Variants in TMUB2 observed in about 807,000 individuals in gnomAD.
TMUB2 encodes the protein transmembrane and ubiquitin like domain containing 2, also known as transmembrane and ubiquitin-like domain-containing protein 2.
In TMUB2, 19 loss-of-function variants were observed where a neutral mutation model predicts 20.2. The ratio of observed to expected loss-of-function variants is 0.94; its 90% CI spans 0.66 to 1.38. TMUB2 has a LOEUF of 1.38. TMUB2 is among the 40% of genes most tolerant of loss of function. The probability of loss-of-function intolerance (pLI) is 0.00; values close to 1 mark genes in which losing one functional copy is unlikely to be tolerated. For missense variants in TMUB2, 426 were observed against 402.5 expected (o/e 1.06, Z -0.50); for synonymous variants, 186 against 166.0 (o/e 1.12, Z -0.92).
chr17:44,187,976 T>G (rs2054721237), intron 2 of TMUB2: 1 of 551,474 alleles, frequency 1.8e-6, no homozygotes, highest in Admixed American at 3.2e-5. Flanking sequence ...CATACGATCC[T>G]TGTCTACCAG....
rs1057217209 is a variant in TMUB2, at chr17:44,191,541, G to A, written c.*677G>A. 17 of 986,032 alleles carry A rather than the reference G, an allele frequency of 1.7e-5. No individual in the cohort carries two copies. Among genetic ancestry groups the A allele is most frequent in the East Asian group, 2.3e-4 (2 of 8,816 alleles). 61.1% of individuals were successfully genotyped at this position (986,032 alleles called of 1,614,324 possible). On this transcript the variant is annotated 3_prime_UTR_variant, in exon 4 of 4. Transcript: ENST00000538716. The stretch of plus-strand genomic sequence containing the variant: ...AAGCCAAGCCCCCAGCATTGGGAGC[G>A]GCCAGGCCACAGCTGCTGCTCCCGT...
chr17:44,191,270 C>T lies in TMUB2; in HGVS notation c.*406C>T, dbSNP rs888325134. ...GCTCAGCATGGCCCCAGCACAACTC[C>T]GTAGGGAGCCTGGAGTATCCTTCCA... On this transcript the variant is annotated 3_prime_UTR_variant, in exon 4 of 4. Coordinates refer to ENST00000538716, the MANE Select transcript of TMUB2 (RefSeq NM_001076674.3). The T allele has an allele frequency of 6.0e-6, 6 of 1,005,576 alleles. No homozygotes were observed. The highest frequency in any genetic ancestry group is 1.0e-4 in the East Asian group (1 of 9,606). The allele number at this position is 1,005,576 out of a possible 1,614,324, so 62.3% of individuals were successfully genotyped here.
At position 44,189,395 on chromosome 17, in the gene TMUB2, C is replaced by T. The variant is rs1425149561; in HGVS notation, c.409C>T (p.Leu137Phe). 3.1e-6 allele frequency: 5 copies of T among 1,613,586 alleles called. No individual in the cohort carries two copies. The highest frequency in any genetic ancestry group is 3.4e-6 in the Non-Finnish European group (4 of 1,179,806). Reference protein sequence around the residue: ...GGGVEPSLEHLLDIQGLPKRQ... With the variant: ...GGGVEPSLEHFLDIQGLPKRQ... ...TGGTGTTGAGCCCAGCCTTGAGCAT[C>T]TCCTTGACATCCAAGGCCTGCCCAA... is the stretch of plus-strand genomic sequence containing the variant. The change falls in exon 3 of 4, where the codon CTC becomes TTC. Residue 137 changes from leucine (L) to phenylalanine (F), a missense_variant. Transcript: ENST00000538716.
At position 44,191,746 on chromosome 17, in the gene TMUB2, CAG is replaced by C. The variant is rs1336204968; in HGVS notation, c.*886_*887del. ...GTGGTCCTGCAGCCTCTTTCTGTGA[CAG>C]AGAATGGCTTTGCGCTGCCCCCAGG... is the stretch of plus-strand genomic sequence containing the variant. On this transcript the variant is annotated 3_prime_UTR_variant, in exon 4 of 4. Coordinates refer to ENST00000538716, the MANE Select transcript of TMUB2 (RefSeq NM_001076674.3). The C allele has an allele frequency of 2.0e-5, 20 of 985,520 alleles. No homozygotes were observed. The highest frequency in any genetic ancestry group is 1.0e-3 in the Middle Eastern group (2 of 1,936). The allele number at this position is 985,520 out of a possible 1,614,324, so 61.0% of individuals were successfully genotyped here.
intron 2 of TMUB2, chr17:44,187,949 C>T (rs1360557708): frequency 1.7e-6 from 1 of 588,972 alleles, no homozygotes; most frequent in Non-Finnish European, 3.1e-6. Flanking sequence ...TTGGACACTT[C>T]AGTACCAAGA....
chr17:44,189,783 C>A (rs143341364), intron 3 of TMUB2, 195 bp downstream of exon 3: 3 of 511,054 alleles, frequency 5.9e-6, no homozygotes, highest in East Asian at 3.2e-5. Context: ...GAGGCCGAGG[C>A]GGGTGCATCA....
chr17:44,190,117 C>T (rs1403232933), intron 3 of TMUB2: 4 of 179,298 alleles, frequency 2.2e-5, no homozygotes, highest in Non-Finnish European at 3.5e-5. Context: ...GAGGCCAAGG[C>T]GGGCAGATCA....
In TMUB2 at chr17:44,189,511, T is replaced by A; in HGVS notation, c.525T>A (p.Thr175=). ...TCCCTCCCAGCCCTGGCCTCATCAC[T>A]GTGCGGCTCAAATTCCTCAATGATA... ...TCLPPSPGLI[T]VRLKFLNDTE... Residue 175 remains threonine (T), a synonymous_variant, in exon 3 of 4, where the codon ACT becomes ACA. Transcript: ENST00000538716. The A allele has an allele frequency of 6.2e-7, 1 of 1,613,824 alleles. No homozygotes were observed. Among genetic ancestry groups the A allele is most frequent in the South Asian group, 1.1e-5 (1 of 91,068 alleles).
Position 44,189,043 on chromosome 17 carries a change from G to T in TMUB2, c.57G>T (p.Gln19His). Residue 19 changes from glutamine to histidine, a missense_variant, in exon 3 of 4, where the codon CAG (glutamine) becomes CAT (histidine). Physicochemically the swap from Gln to His is conservative, Grantham distance 24 (BLOSUM62 0). Coordinates refer to ENST00000538716, the MANE Select transcript of TMUB2 (RefSeq NM_001076674.3). ...GCAGCGTGGACCCTGCCAGCAGCCAGGCCATGGAGCTCTCTGATGTCACCC... is the reference window on the plus strand; with the variant it reads ...GCAGCGTGGACCCTGCCAGCAGCCATGCCATGGAGCTCTCTGATGTCACCC... ...NLMSVDPASS[Q>H]AMELSDVTLI... is the part of the protein sequence containing the mutation. 1 of 1,613,758 alleles carries T rather than the reference G, an allele frequency of 6.2e-7. No individual in the cohort carries two copies. The highest frequency in any genetic ancestry group is 8.5e-7 in the Non-Finnish European group (1 of 1,179,890).
In TMUB2 at chr17:44,190,692, G is replaced by C. The variant is rs558128418; in HGVS notation, c.794G>C (p.Ser265Thr). The change falls in exon 4 of 4, where the codon AGC (serine) becomes ACC (threonine). Residue 265 changes from serine to threonine, a missense_variant. By Grantham distance (58) the Ser-to-Thr change is moderately conservative. Coordinates refer to ENST00000538716, the MANE Select transcript of TMUB2 (RefSeq NM_001076674.3). ...SLAPSATEPP[S>T]LGVNVGSLMV... ...GCCCCCTCGGCCACTGAGCCACCCA[G>C]CCTTGGTGTCAATGTGGGCAGCCTC... 205 of 1,614,232 alleles carry C rather than the reference G, an allele frequency of 1.3e-4. 4 individuals are homozygous for C. The South Asian group carries it at 2.2e-3, about 17-fold the overall frequency.
chr17:44,188,396 C>T (rs768891510), intron 2 of TMUB2, among the ~76,000 whole-genome samples: 10 of 152,164 alleles, frequency 6.6e-5, no homozygotes, highest in Admixed American at 3.9e-4. Flanking sequence ...TGCATAGTAT[C>T]TGCCCGCGGT....
chr17:44,189,299 G>A lies in TMUB2; in HGVS notation c.313G>A (p.Gly105Ser), dbSNP rs369953058. 7.5e-6 allele frequency: 12 copies of A among 1,600,890 alleles called. No individual in the cohort carries two copies. Among genetic ancestry groups the A allele is most frequent in the Non-Finnish European group, 1.0e-5 (12 of 1,172,504 alleles). ...AACTGAACTCCCCCATCCATCAGAG[G>A]GTAATGATGAGAAGGCTGAAGAGGC... ...EPTELPHPSE[G>S]NDEKAEEAGE... is the part of the protein sequence containing the mutation. Residue 105 changes from glycine (G) to serine (S), a missense_variant, in exon 3 of 4, where the codon GGT becomes AGT. Gly to Ser is a moderately conservative substitution (Grantham distance 56). Coordinates refer to ENST00000538716, the MANE Select transcript of TMUB2 (RefSeq NM_001076674.3).
chr17:44,189,835 A>AC (rs1402375070), intron 3 of TMUB2: 4 of 384,238 alleles, frequency 1.0e-5, no homozygotes, highest in Non-Finnish European at 1.9e-5. Context: ...ACATGGTGAA[A>AC]CCCCATCTCT....
In TMUB2 at chr17:44,190,840, A is replaced by G. The variant is rs1567762432; in HGVS notation, c.942A>G (p.Leu314=). 2 of 1,613,168 alleles carry G rather than the reference A, an allele frequency of 1.2e-6. No individual in the cohort carries two copies. Among genetic ancestry groups the G allele is most frequent in the Admixed American group, 1.7e-5 (1 of 59,894 alleles). ...LVGVTVFFSF[L]VFGMYGR is the part of the protein sequence containing the mutation. ...GAGTCACCGTCTTCTTCAGCTTCCT[A>G]GTATTTGGGATGTATGGACGATAAG... Residue 314 remains leucine (L), a synonymous_variant, in exon 4 of 4, where the codon CTA becomes CTG. Coordinates refer to ENST00000538716, the MANE Select transcript of TMUB2 (RefSeq NM_001076674.3).
In TMUB2 at chr17:44,190,745, G is replaced by T. The variant is rs1343808064; in HGVS notation, c.847G>T (p.Gly283Cys). The T allele has an allele frequency of 1.9e-6, 3 of 1,614,088 alleles. No homozygotes were observed. Among genetic ancestry groups the T allele is most frequent in the Non-Finnish European group, 2.5e-6 (3 of 1,180,052 alleles). The change falls in exon 4 of 4, where the codon GGT becomes TGT. Residue 283 changes from glycine to cysteine, a missense_variant. By Grantham distance (159) the Gly-to-Cys change is radical (BLOSUM62 -3). Transcript: ENST00000538716. ...LMVPVFVVLL[G>C]VVWYFRINYR... Reference sequence around the variant, plus strand: ...GGTGCCTGTCTTTGTGGTGCTGTTGGGTGTGGTCTGGTACTTCCGAATCAA... The same window carrying T: ...GGTGCCTGTCTTTGTGGTGCTGTTGTGTGTGGTCTGGTACTTCCGAATCAA...
chr17:44,190,182 T>TAA (rs35026282), intron 3 of TMUB2: 12 of 190,254 alleles, frequency 6.3e-5, no homozygotes, highest in East Asian at 2.5e-4. Flanking sequence ...CTGTCTCTAC[T>TAA]AAAAAAAAAA....
Position 44,190,999 on chromosome 17 carries a change from G to C in TMUB2, c.*135G>C, listed in dbSNP as rs771100924. 1.9e-5 allele frequency: 28 copies of C among 1,486,358 alleles called. No homozygotes were observed. Among genetic ancestry groups the C allele is most frequent in the African/African-American group, 2.8e-5 (2 of 71,314 alleles). The allele number at this position is 1,486,358 out of a possible 1,614,324, so 92.1% of individuals were successfully genotyped here. A position where few individuals can be genotyped will look rare whatever the true frequency, so the allele number is the denominator to read the frequency against. On this transcript the variant is annotated 3_prime_UTR_variant, in exon 4 of 4. Transcript: ENST00000538716. ...ATGGAAATCTCCTCCATAGGACACA[G>C]GAGGCAAGTATGCGGCCTCCCCTTC... is the stretch of plus-strand genomic sequence containing the variant.
In TMUB2 at chr17:44,191,547, G is replaced by A; in HGVS notation, c.*683G>A. Reference sequence around the variant, plus strand: ...AGCCCCCAGCATTGGGAGCGGCCAGGCCACAGCTGCTGCTCCCGTAGTCCT... The same window carrying A: ...AGCCCCCAGCATTGGGAGCGGCCAGACCACAGCTGCTGCTCCCGTAGTCCT... On this transcript the variant is annotated 3_prime_UTR_variant, in exon 4 of 4. Transcript: ENST00000538716. 1 of 986,102 alleles carries A rather than the reference G, an allele frequency of 1.0e-6. No individual in the cohort carries two copies. The highest frequency in any genetic ancestry group is 1.7e-5 in the African/African-American group (1 of 57,382). 61.1% of individuals were successfully genotyped at this position (986,102 alleles called of 1,614,324 possible).
Position 44,189,358 on chromosome 17 carries a change from T to G in TMUB2, c.372T>G (p.Ala124=). The G allele has an allele frequency of 6.2e-7, 1 of 1,606,092 alleles. No homozygotes were observed. Among genetic ancestry groups the G allele is most frequent in the Non-Finnish European group, 8.5e-7 (1 of 1,175,740 alleles). The change falls in exon 3 of 4, where the codon GCT becomes GCG. Residue 124 remains alanine, a synonymous_variant. Transcript: ENST00000538716. ...GEGRGDSTGE[A]GAGGGVEPSL... is the part of the protein sequence containing the mutation. ...GTCGGGGAGACTCCACTGGGGAGGC[T>G]GGAGCTGGGGGTGGTGTTGAGCCCA...
Sources: allele counts gnomAD v4.1 joint callset (sites outside exome capture counted in the v4.1 genomes callset), GRCh38; gene constraint gnomAD v4.1.1; transcripts MANE v1.5; gene names NCBI Gene and HGNC (gene_info 2026-07-23, HGNC 2026-07-21).